GABPB2: variants seen among roughly 807,000 people sequenced by gnomAD.
GABPB2 encodes the protein GA binding protein transcription factor subunit beta 2.
GABPB2 carries 23 observed loss-of-function variants against 39.1 expected under a neutral mutation model. That is an observed-to-expected ratio of 0.59 (90% CI 0.42 to 0.83). GABPB2 has a LOEUF of 0.83. Among genes scored for constraint, GABPB2 ranks in the 40% least tolerant of loss-of-function variants. GABPB2 has a pLI of 0.00. For missense variants in GABPB2, 467 were observed against 541.1 expected (o/e 0.86, Z 1.36); for synonymous variants, 184 against 199.3 (o/e 0.92, Z 0.65).
intron 6 of GABPB2, 138 bp from the exon 7 acceptor site, chr1:151,106,899 T>C: frequency 1.9e-6 from 1 of 538,474 alleles, no homozygotes. Flanking sequence ...CACAAAACCT[T>C]TTGCGAACTG....
intron 1 of GABPB2, among the ~76,000 whole-genome samples, chr1:151,085,163 C>T (rs1326216755): frequency 6.6e-6 from 1 of 150,914 alleles, no homozygotes; most frequent in Non-Finnish European, 1.5e-5. Flanking sequence ...TTTGGGAGGC[C>T]GAGGCAGGCA....
At chr1:151,091,280 G>C (rs910697634) in intron 3 of GABPB2, among the ~76,000 whole-genome samples, 2 of 150,950 alleles carry the variant, frequency 1.3e-5, no homozygotes, top group African/African-American at 2.4e-5. Flanking sequence ...TAGAGACGGG[G>C]TTTCACCATG....
rs1333348830 is a variant in GABPB2 at position 151,117,622 on chromosome 1, T to C, written c.1047+106T>C. 2.2e-5 allele frequency: 28 copies of C among 1,259,022 alleles called. No homozygotes were observed. In the East Asian group the frequency reaches 6.7e-4, roughly 30 times the overall value. 78.0% of individuals were successfully genotyped at this position (1,259,022 alleles called of 1,614,324 possible). A position where few individuals can be genotyped will look rare whatever the true frequency, so the allele number is the denominator to read the frequency against. On this transcript the variant is annotated intron_variant, in intron 8 of 8. Transcript: ENST00000368918. ...TTTTTGAGACGGAGTCTTGCTGTGT[T>C]GCCCAGGCTGGAGTACAGTGGCATG...
At chr1:151,078,557 C>T (rs1048786447) in intron 1 of GABPB2, among the ~76,000 whole-genome samples, 3 of 151,798 alleles carry the variant, frequency 2.0e-5, no homozygotes, top group African/African-American at 7.3e-5. Context: ...CGCGCCACTG[C>T]ACTCTAGCCT....
chr1:151,110,893 A>T (rs1308083169), intron 7 of GABPB2, among the ~76,000 whole-genome samples: 2 of 152,212 alleles, frequency 1.3e-5, no homozygotes, highest in Non-Finnish European at 2.9e-5. Flanking sequence ...CTTTCCACTG[A>T]CATCAGTTGA....
chr1:151,098,065 C>T, intron 5 of GABPB2, 63 bp downstream of exon 5: 1 of 1,443,274 alleles, frequency 6.9e-7, no homozygotes, highest in Non-Finnish European at 9.7e-7. Context: ...CTAGATTTTC[C>T]AGGAGATGAA....
rs774915616 is a variant in GABPB2, at chr1:151,118,183, A to C, written c.1274A>C (p.Glu425Ala). ...ACAGAGGGGGAGTTGGAAGAGAGAG[A>C]GACAAAAGTGACTGGGTCAGCAGGG... The part of the protein sequence containing the change: ...VVTEGELEER[E>A]TKVTGSAGTT... Residue 425 changes from glutamate (E) to alanine (A), a missense_variant, in exon 9 of 9, where the codon GAG becomes GCG. By Grantham distance (107) the Glu-to-Ala change is moderately radical (BLOSUM62 -1). Coordinates refer to ENST00000368918, the MANE Select transcript of GABPB2 (RefSeq NM_144618.3). 1.2e-6 allele frequency: 2 copies of C among 1,614,184 alleles called. No individual in the cohort carries two copies. Among genetic ancestry groups the C allele is most frequent in the Admixed American group, 3.3e-5 (2 of 60,002 alleles).
chr1:151,123,517 G>C lies in GABPB2; in HGVS notation c.*5261G>C, dbSNP rs1410061031. 1 of 151,640 alleles carries C rather than the reference G, an allele frequency of 6.6e-6. No homozygotes were observed. Among genetic ancestry groups the C allele is most frequent in the East Asian group, 1.9e-4 (1 of 5,160 alleles). The allele number at this position is 151,640 out of a possible 1,614,324, so 9.4% of individuals were successfully genotyped here. ...GACAAATGGATCAGAATTGGTGCTT[G>C]AGCAAGAGAAACTTCGAGCTTAGGA... On this transcript the variant is annotated 3_prime_UTR_variant, in exon 9 of 9. Transcript: ENST00000368918.
intron 6 of GABPB2, among the ~76,000 whole-genome samples, chr1:151,105,903 C>G (rs997493151): frequency 6.6e-6 from 1 of 152,066 alleles, no homozygotes; most frequent in African/African-American, 2.4e-5. Context: ...TCTGTGAATT[C>G]ACTATTAAAT....
At chr1:151,101,124 A>G (rs374682022) in intron 5 of GABPB2, among the ~76,000 whole-genome samples, 5 of 151,238 alleles carry the variant, frequency 3.3e-5, no homozygotes, top group African/African-American at 1.2e-4. Flanking sequence ...ATGGTGATGC[A>G]CACCTGTAGT....
chr1:151,114,620 C>T (rs1680712825), intron 7 of GABPB2, among the ~76,000 whole-genome samples: 1 of 151,830 alleles, frequency 6.6e-6, no homozygotes, highest in Admixed American at 6.6e-5. Flanking sequence ...ATCTCTTGAA[C>T]CCAGGAGGTG....
intron 8 of GABPB2, 70 bp from the exon 9 acceptor site, chr1:151,117,887 C>T: frequency 2.7e-6 from 4 of 1,474,168 alleles, no homozygotes; most frequent in Non-Finnish European, 3.7e-6. Flanking sequence ...CCTGGCCTGT[C>T]TTTTTGTCTA....
chr1:151,116,100 G>C (rs903050649), intron 7 of GABPB2, among the ~76,000 whole-genome samples: 3 of 147,782 alleles, frequency 2.0e-5, no homozygotes, highest in African/African-American at 7.5e-5. Context: ...GAGACTTCTC[G>C]ATAAAAAAAG....
chr1:151,083,367 C>T (rs1464913467), intron 1 of GABPB2, among the ~76,000 whole-genome samples: 1 of 152,210 alleles, frequency 6.6e-6, no homozygotes, highest in East Asian at 1.9e-4. Flanking sequence ...CGCGGTGGCT[C>T]ACGCCTGTAA....
intron 7 of GABPB2, among the ~76,000 whole-genome samples, chr1:151,115,143 C>G (rs1680759909): frequency 6.6e-6 from 1 of 152,124 alleles, no homozygotes; most frequent in East Asian, 2.0e-4. Context: ...GGCGGATCAC[C>G]TGAGGTCGGG....
intron 3 of GABPB2, among the ~76,000 whole-genome samples, chr1:151,091,530 G>A (rs969324596): frequency 6.8e-6 from 1 of 146,686 alleles, no homozygotes; most frequent in African/African-American, 2.5e-5. Context: ...GCTCGAGTGC[G>A]GTGGCACAAT....
At chr1:151,094,467 A>G (rs1678956148) in intron 4 of GABPB2, among the ~76,000 whole-genome samples, 1 of 145,322 alleles carries the variant, frequency 6.9e-6, no homozygotes, top group Non-Finnish European at 1.5e-5. Context: ...CTTCCTCCTC[A>G]GCCTCCTGAG....
In GABPB2 at chr1:151,093,209, T is replaced by A. The variant is rs1279717102; in HGVS notation, c.294T>A (p.Asn98Lys). 1 of 1,601,180 alleles carries A rather than the reference T, an allele frequency of 6.2e-7. No individual in the cohort carries two copies. Among genetic ancestry groups the A allele is most frequent in the East Asian group, 2.3e-5 (1 of 44,376 alleles). Residue 98 changes from asparagine to lysine, a missense_variant, in exon 4 of 9, where the codon AAT (asparagine) becomes AAA (lysine). Transcript: ENST00000368918. Reference protein sequence around the residue: ...ELLVRNGADVNAKDMLKMTAL... With the variant: ...ELLVRNGADVKAKDMLKMTAL... ...TGTGACAGAATGGTGCAGATGTGAA[T>A]GCCAAGGACATGCTGAAGATGACAG...
chr1:151,100,586 T>C (rs1679437375), intron 5 of GABPB2, among the ~76,000 whole-genome samples: 1 of 122,908 alleles, frequency 8.1e-6, no homozygotes, highest in Admixed American at 8.3e-5. Flanking sequence ...TGGCCTTTTT[T>C]TTTTTTTTTT....
Sources: allele counts gnomAD v4.1 joint callset (sites outside exome capture counted in the v4.1 genomes callset), GRCh38; gene constraint gnomAD v4.1.1; transcripts MANE v1.5; gene names NCBI Gene and HGNC (gene_info 2026-07-23, HGNC 2026-07-21).